The following TRAPPC6A variants were observed in gnomAD, a reference collection of about 807,000 sequenced individuals.
The protein encoded by TRAPPC6A is TRAPP complex subunit 6A.
Under a neutral mutation model 20.8 loss-of-function variants are expected in TRAPPC6A, and 25 were observed. The observed-to-expected ratio is 1.20, with a 90% CI of 0.88 to 1.68. The LOEUF (loss-of-function observed/expected upper bound fraction) is 1.68, where lower values mean the gene tolerates loss of function less well. Ranked by LOEUF, TRAPPC6A falls within the 40% of genes most tolerant of loss-of-function variation. The pLI, the probability that TRAPPC6A is intolerant of heterozygous loss-of-function variation, is 0.00. For missense variants in TRAPPC6A, 215 were observed against 211.6 expected, an observed-to-expected ratio of 1.02 and a Z score of -0.10; for synonymous variants, 96 against 93.3, an observed-to-expected ratio of 1.03 and a Z score of -0.16.
rs552376526 is a variant in TRAPPC6A at position 45,169,706 on chromosome 19, C to T, written c.85-4512G>A. On this transcript the variant is annotated intron_variant, in intron 1 of 5. Transcript: ENST00000585934. Reference sequence around the variant, plus strand: ...CCTGTAGCCAGCACCTAGAACAGCCCGGGCGAGAGCTCGCTGCCTGGTAGC... The same window carrying T: ...CCTGTAGCCAGCACCTAGAACAGCCTGGGCGAGAGCTCGCTGCCTGGTAGC... Among the ~76,000 whole-genome samples, 7 of 152,316 alleles carry T rather than the reference C, an allele frequency of 4.6e-5. No individual in the cohort carries two copies. In the East Asian group the frequency reaches 7.7e-4, roughly 17 times the overall value.
In TRAPPC6A at chr19:45,164,204, G is replaced by C; in HGVS notation, c.314C>G (p.Pro105Arg). Reference sequence around the variant, plus strand: ...CAGATACTGCAGGCCAGAGGCCATCGGGAGGAGGAGGGGGAAGCTGTTGTC... The same window carrying C: ...CAGATACTGCAGGCCAGAGGCCATCCGGAGGAGGAGGGGGAAGCTGTTGTC... ...LQDNSFPLLL[P>R]MASGLQYLEE... Residue 105 changes from proline (P) to arginine (R), a missense_variant, in exon 4 of 6, where the codon CCG becomes CGG. By Grantham distance (103) the Pro-to-Arg change is moderately radical (BLOSUM62 -2). Coordinates refer to ENST00000585934, the MANE Select transcript of TRAPPC6A (RefSeq NM_001270891.2). The C allele has an allele frequency of 6.2e-7, 1 of 1,610,138 alleles. No homozygotes were observed.
intron 1 of TRAPPC6A, among the ~76,000 whole-genome samples, chr19:45,177,620 A>G (rs1385213762): frequency 6.6e-6 from 1 of 152,184 alleles, no homozygotes; most frequent in East Asian, 1.9e-4. Flanking sequence ...CCCAGCCGGC[A>G]TATTTCATTT....
intron 1 of TRAPPC6A, among the ~76,000 whole-genome samples, chr19:45,168,297 C>T (rs921423822): frequency 6.6e-6 from 1 of 152,158 alleles, no homozygotes; most frequent in Non-Finnish European, 1.5e-5. Context: ...GCCACCGCGC[C>T]CGGCCCTGAC....
At chr19:45,167,737 C>T (rs369355325) in intron 1 of TRAPPC6A, among the ~76,000 whole-genome samples, 11 of 152,264 alleles carry the variant, frequency 7.2e-5, no homozygotes, top group African/African-American at 2.7e-4. Flanking sequence ...CCCACCTCGG[C>T]CTCCCAAAGT....
intron 1 of TRAPPC6A, among the ~76,000 whole-genome samples, chr19:45,174,353 C>T (rs1442203576): frequency 6.6e-6 from 1 of 152,124 alleles, no homozygotes; most frequent in African/African-American, 2.4e-5. Flanking sequence ...CCCCACCCAT[C>T]CCCACCTGCC....
In TRAPPC6A at chr19:45,172,744, C is replaced by T. The variant is rs950176050; in HGVS notation, c.84+5391G>A. Among the ~76,000 whole-genome samples the T allele has an allele frequency of 2.0e-5, 3 of 151,788 alleles. No individual in the cohort carries two copies. The highest frequency in any genetic ancestry group is 4.4e-5 in the Non-Finnish European group (3 of 68,034). On this transcript the variant is annotated intron_variant, in intron 1 of 5. Coordinates refer to ENST00000585934, the MANE Select transcript of TRAPPC6A (RefSeq NM_001270891.2). This position sits in a 1 kb window ranked among gnomAD's most constrained non-coding sequence, Gnocchi z 4.2. ...CCCGGAAGGTTGAGCCCACCACAGC[C>T]TCTGCCTTAAGCTCCTGCAACAGCG... is the stretch of plus-strand genomic sequence containing the variant.
chr19:45,163,021 C>A lies in TRAPPC6A; in HGVS notation c.*171G>T, dbSNP rs1969042215. 2.3e-5 allele frequency: 15 copies of A among 659,262 alleles called. No homozygotes were observed. Among genetic ancestry groups the A allele is most frequent in the Non-Finnish European group, 3.5e-5 (14 of 398,570 alleles). The allele number at this position is 659,262 out of a possible 1,614,324, so 40.8% of individuals were successfully genotyped here. A position where few individuals can be genotyped will look rare whatever the true frequency, so the allele number is the denominator to read the frequency against. On this transcript the variant is annotated 3_prime_UTR_variant, in exon 6 of 6. Transcript: ENST00000585934. This position sits in a 1 kb window ranked among gnomAD's most constrained non-coding sequence, Gnocchi z 5.3. ...ACCACAGTCCTGACCGCAGCTGGGA[C>A]CCCTTTGCCTCCTCTGACACCCCCA... is the stretch of plus-strand genomic sequence containing the variant.
chr19:45,164,263 G>C lies in TRAPPC6A; in HGVS notation c.271-16C>G. 6.4e-7 allele frequency: 1 copy of C among 1,572,388 alleles called. No homozygotes were observed. The highest frequency in any genetic ancestry group is 8.7e-7 in the Non-Finnish European group (1 of 1,153,758). On this transcript the variant is annotated splice_polypyrimidine_tract_variant and intron_variant, in intron 3 of 5. Transcript: ENST00000585934. ...CGTAGGTCCCCTGGGGGAGAGGAGA[G>C]GCTGGTGGGTGGGGTCGGGGCCTGT...
At chr19:45,166,455 C>A (rs1384665660) in intron 1 of TRAPPC6A, among the ~76,000 whole-genome samples, 1 of 151,902 alleles carries the variant, frequency 6.6e-6, no homozygotes, top group Admixed American at 6.6e-5. Flanking sequence ...GTGATCCGCC[C>A]GCCTTGGCCT....
intron 1 of TRAPPC6A, among the ~76,000 whole-genome samples, chr19:45,170,608 G>A (rs1568465181): frequency 1.3e-5 from 2 of 152,296 alleles, no homozygotes; most frequent in East Asian, 3.9e-4. Context: ...CACTGCCTGG[G>A]TTTGAATCTC....
Position 45,172,068 on chromosome 19 carries a change from C to G in TRAPPC6A, c.84+6067G>C, listed in dbSNP as rs557461443. Among the ~76,000 whole-genome samples the G allele has an allele frequency of 1.2e-3, 182 of 152,022 alleles. No homozygotes were observed. Among genetic ancestry groups the G allele is most frequent in the African/African-American group, 4.3e-3 (178 of 41,408 alleles). ...CTTAGAGAACAAAGGCCTTCCTGGC[C>G]CCTCTGGCCGGTCCTCCAGTTCACA... On this transcript the variant is annotated intron_variant, in intron 1 of 5. Coordinates refer to ENST00000585934, the MANE Select transcript of TRAPPC6A (RefSeq NM_001270891.2). The surrounding 1 kb of genome is among the most constrained non-coding windows in gnomAD (Gnocchi z 4.2).
At chr19:45,171,544 G>A (rs532800369) in intron 1 of TRAPPC6A, among the ~76,000 whole-genome samples, 2 of 152,298 alleles carry the variant, frequency 1.3e-5, no homozygotes, top group South Asian at 4.1e-4. Context: ...ACAAAGCAGA[G>A]TTCCTGGAAA....
chr19:45,176,244 C>G (rs1437524194), intron 1 of TRAPPC6A, among the ~76,000 whole-genome samples: 1 of 151,132 alleles, frequency 6.6e-6, no homozygotes, highest in African/African-American at 2.4e-5. Flanking sequence ...ATCACGAGGT[C>G]AGATCAAAAC....
Position 45,172,959 on chromosome 19 carries a change from C to T in TRAPPC6A, c.84+5176G>A, listed in dbSNP as rs974581168. On this transcript the variant is annotated intron_variant, in intron 1 of 5. Transcript: ENST00000585934. This position sits in a 1 kb window ranked among gnomAD's most constrained non-coding sequence, Gnocchi z 4.2. ...GCCACAGATGCTCAGGACGGTGTTCCGGGCAGGGACCTATCTGACAGCCGC... is the reference window on the plus strand; with the variant it reads ...GCCACAGATGCTCAGGACGGTGTTCTGGGCAGGGACCTATCTGACAGCCGC... Among the ~76,000 whole-genome samples, 3 of 151,624 alleles carry T rather than the reference C, an allele frequency of 2.0e-5. No individual in the cohort carries two copies. The highest frequency in any genetic ancestry group is 2.4e-5 in the African/African-American group (1 of 40,934).
intron 1 of TRAPPC6A, among the ~76,000 whole-genome samples, chr19:45,175,471 A>G: frequency 6.6e-6 from 1 of 152,146 alleles, no homozygotes; most frequent in Non-Finnish European, 1.5e-5. Flanking sequence ...AGTATGATGA[A>G]GCCTACCAAG....
chr19:45,169,447 C>T (rs929985630), intron 1 of TRAPPC6A, among the ~76,000 whole-genome samples: 13 of 152,210 alleles, frequency 8.5e-5, no homozygotes, highest in Non-Finnish European at 1.9e-4. Context: ...CAGGTGTGAG[C>T]CACTGCGTCC....
intron 1 of TRAPPC6A, among the ~76,000 whole-genome samples, chr19:45,171,969 C>T (rs1969277363): frequency 6.6e-6 from 1 of 152,112 alleles, no homozygotes; most frequent in Non-Finnish European, 1.5e-5. Flanking sequence ...CCTCTCTTTG[C>T]CCAAAGGCTT....
Position 45,163,210 on chromosome 19 carries a change from C to A in TRAPPC6A, c.462G>T (p.Val154=). 2 of 1,613,926 alleles carry A rather than the reference C, an allele frequency of 1.2e-6. No individual in the cohort carries two copies. The highest frequency in any genetic ancestry group is 8.5e-7 in the Non-Finnish European group (1 of 1,179,878). ...GGCAGGCTTAGGATTTCGGAATCAC[C>A]ACCTGGAACTTACCTGGAAGAGAAG... is the stretch of plus-strand genomic sequence containing the variant. ...VAALPVCKFQ[V]VIPKS The change falls in exon 6 of 6, where the codon GTG becomes GTT. Residue 154 remains valine, a synonymous_variant. Coordinates refer to ENST00000585934, the MANE Select transcript of TRAPPC6A (RefSeq NM_001270891.2). The surrounding 1 kb of genome is among the most constrained non-coding windows in gnomAD (Gnocchi z 5.3).
Position 45,173,854 on chromosome 19 carries a change from G to A in TRAPPC6A, c.84+4281C>T, listed in dbSNP as rs1196003947. Among the ~76,000 whole-genome samples, 1 of 152,188 alleles carries A rather than the reference G, an allele frequency of 6.6e-6. No homozygotes were observed. Among genetic ancestry groups the A allele is most frequent in the East Asian group, 1.9e-4 (1 of 5,198 alleles). On this transcript the variant is annotated intron_variant, in intron 1 of 5. Coordinates refer to ENST00000585934, the MANE Select transcript of TRAPPC6A (RefSeq NM_001270891.2). The surrounding 1 kb of genome is among the most constrained non-coding windows in gnomAD (Gnocchi z 4.8). ...CGAGAGCCACCTGGGAGCTTTCTGA[G>A]GCCTGACACTCAGGCCTCACCCCAA...
Sources: allele counts gnomAD v4.1 joint callset (sites outside exome capture counted in the v4.1 genomes callset), GRCh38; gene constraint gnomAD v4.1.1; non-coding constraint Gnocchi (gnomAD v3.1); transcripts MANE v1.5; gene names NCBI Gene and HGNC (gene_info 2026-07-23, HGNC 2026-07-21).